The following TACC1 variants were observed in gnomAD, a reference collection of about 807,000 sequenced individuals.
TACC1 encodes transforming acidic coiled-coil-containing protein 1.
TACC1 carries 48 observed loss-of-function variants against 84.4 expected under a neutral mutation model. That is an observed-to-expected ratio of 0.57 (90% CI 0.45 to 0.72). The LOEUF (loss-of-function observed/expected upper bound fraction) is 0.72, where lower values mean the gene tolerates loss of function less well. TACC1 is among the 30% of genes least tolerant of loss of function. The pLI, the probability that TACC1 is intolerant of heterozygous loss-of-function variation, is 0.00. For synonymous variants in TACC1, 372 were observed against 376.3 expected, an observed-to-expected ratio of 0.99 and a Z score of 0.13; for missense variants, 920 against 973.0, an observed-to-expected ratio of 0.95 and a Z score of 0.72.
rs565509245 is a variant in TACC1, at chr8:38,765,627, C to G, written c.26+20134C>G. Among the ~76,000 whole-genome samples the G allele has an allele frequency of 1.1e-4, 17 of 152,206 alleles. 1 individual carries two copies. The highest frequency in any genetic ancestry group is 6.2e-4 in the South Asian group (3 of 4,826). On this transcript the variant is annotated intron_variant, in intron 3 of 14. Transcript: ENST00000518415. ...CAAATGTTAATTTTTTCTTTTCACT[C>G]TCTTTCATTCAACAAGTATTAATTG... is the stretch of plus-strand genomic sequence containing the variant.
rs570305062 is a variant in TACC1 at position 38,753,424 on chromosome 8, C to T, written c.26+7931C>T. On this transcript the variant is annotated intron_variant, in intron 3 of 14. Coordinates refer to the TACC1 transcript ENST00000518415. Reference sequence around the variant, plus strand: ...CAGCCTTTTGTTCTTAACTGAAATACAAAAAGCAAGAAAGAGTTTAAACCC... The same window carrying T: ...CAGCCTTTTGTTCTTAACTGAAATATAAAAAGCAAGAAAGAGTTTAAACCC... Among the ~76,000 whole-genome samples, 161 of 152,234 alleles carry T rather than the reference C, an allele frequency of 1.1e-3. 2 individuals are homozygous for T. Among genetic ancestry groups the T allele is most frequent in the African/African-American group, 3.6e-3 (151 of 41,546 alleles).
upstream of TACC1, chr8:38,785,735 G>A: frequency 1.0e-6 from 1 of 985,220 alleles, no homozygotes. Context: ...AAGTTTTACT[G>A]GGTAAGCATA....
intron 6 of TACC1, 95 bp downstream of exon 6, chr8:38,831,272 A>T: frequency 1.6e-6 from 2 of 1,222,226 alleles, no homozygotes; most frequent in Non-Finnish European, 2.4e-6. Flanking sequence ...GGTCAGTGTT[A>T]GGTGATGAGG....
chr8:38,829,127 G>C (rs1001417152), intron 5 of TACC1, among the ~76,000 whole-genome samples: 3 of 152,118 alleles, frequency 2.0e-5, no homozygotes, highest in African/African-American at 7.2e-5. Context: ...CCATGTTCCT[G>C]ACTACATTAA....
chr8:38,787,539 C>A lies in TACC1; in HGVS notation c.-44C>A. The A allele has an allele frequency of 6.7e-7, 1 of 1,493,792 alleles. No individual in the cohort carries two copies. The highest frequency in any genetic ancestry group is 8.9e-7 in the Non-Finnish European group (1 of 1,125,582). 92.5% of individuals were successfully genotyped at this position (1,493,792 alleles called of 1,614,324 possible). On this transcript the variant is annotated 5_prime_UTR_variant, in exon 1 of 13. Coordinates refer to ENST00000317827, the MANE Select transcript of TACC1 (RefSeq NM_006283.3). ...TGAAAGGGAAAAAGGCTCTCCCCAC[C>A]CATTCCCCTGCCCCTAGGAGCTGGA...
Position 38,819,981 on chromosome 8 carries a change from A to G in TACC1, c.737A>G (p.Glu246Gly). 1 of 1,614,084 alleles carries G rather than the reference A, an allele frequency of 6.2e-7. No individual in the cohort carries two copies. The highest frequency in any genetic ancestry group is 1.3e-5 in the African/African-American group (1 of 75,044). Residue 246 changes from glutamate (E) to glycine (G), a missense_variant, in exon 3 of 13, where the codon GAG becomes GGG. Physicochemically the swap from Glu to Gly is moderately conservative, Grantham distance 98. This residue lies in a region of TACC1 where 762 missense variants were observed against 747.3 expected (regional missense o/e 1.02). Transcript: ENST00000317827. ...VPLRKKAIGG[E>G]FSDTNAAVEG... ...CTGAGGAAGAAAGCAATTGGAGGAG[A>G]GTTCTCAGACACCAACGCTGCTGTG...
At chr8:38,762,631 A>G (rs929757464) in intron 3 of TACC1, among the ~76,000 whole-genome samples, 1 of 151,070 alleles carries the variant, frequency 6.6e-6, no homozygotes, top group South Asian at 2.1e-4. Context: ...ATCTTGGCTC[A>G]TTGCAACCTC....
Position 38,803,161 on chromosome 8 carries a change from A to C in TACC1, c.277+14342A>C, listed in dbSNP as rs187628398. Among the ~76,000 whole-genome samples, 614 of 152,308 alleles carry C rather than the reference A, an allele frequency of 4.0e-3. 4 individuals are homozygous for C. The highest frequency in any genetic ancestry group is 6.9e-3 in the Non-Finnish European group (470 of 68,004). On this transcript the variant is annotated intron_variant, in intron 2 of 12. Transcript: ENST00000317827. ...CTATAGCCTTGTTGGTTTCATTTAT[A>C]GTTTTTTGGTGGATTCCGTAGGACT...
intron 3 of TACC1, among the ~76,000 whole-genome samples, chr8:38,772,980 T>C (rs1563377439): frequency 6.6e-6 from 1 of 152,144 alleles, no homozygotes; most frequent in Non-Finnish European, 1.5e-5. Flanking sequence ...TATTGTTGTA[T>C]TAATACTTAA....
intron 2 of TACC1, among the ~76,000 whole-genome samples, chr8:38,815,490 G>A (rs1306017534): frequency 6.6e-6 from 1 of 152,102 alleles, no homozygotes; most frequent in African/African-American, 2.4e-5. Context: ...TGCGATCTCG[G>A]CTCACTGCAA....
At chr8:38,782,252 T>C (rs1265174176), upstream of TACC1, among the ~76,000 whole-genome samples, 1 of 151,926 alleles carries the variant, frequency 6.6e-6, no homozygotes, top group Non-Finnish European at 1.5e-5. Flanking sequence ...TTCCCACCTA[T>C]GAGTGAGAAT....
chr8:38,827,251 G>A lies in TACC1; in HGVS notation c.1536G>A (p.Thr512=), dbSNP rs375522736. Residue 512 remains threonine (T), a synonymous_variant, in exon 5 of 13, where the codon ACG becomes ACA. Coordinates refer to ENST00000317827, the MANE Select transcript of TACC1 (RefSeq NM_006283.3). ...HATDEEKLAS[T]SCGQKSAGAE... is the part of the protein sequence containing the mutation. ...CTGATGAGGAGAAACTGGCATCCAC[G>A]TCATGTGGTCAGAAATCAGCTGGTG... 114 of 1,614,072 alleles carry A rather than the reference G, an allele frequency of 7.1e-5. No individual in the cohort carries two copies. Among genetic ancestry groups the A allele is most frequent in the Non-Finnish European group, 8.8e-5 (104 of 1,180,042 alleles).
At chr8:38,846,842 G>C in intron 12 of TACC1, 23 bp downstream of exon 12, 1 of 1,612,508 alleles carries the variant, frequency 6.2e-7, no homozygotes, top group South Asian at 1.1e-5. Context: ...ACCTGATCTG[G>C]GTGGCCACAG....
Position 38,831,117 on chromosome 8 carries a change from T to C in TACC1, c.1661-8T>C. ...TGGGATAACTATAAAAATGACTTTC[T>C]GTCTTAGGCATAGAGAAGGAGACGT... is the stretch of plus-strand genomic sequence containing the variant. On this transcript the variant is annotated splice_region_variant and splice_polypyrimidine_tract_variant and intron_variant, in intron 5 of 12. Coordinates refer to ENST00000317827, the MANE Select transcript of TACC1 (RefSeq NM_006283.3). The C allele has an allele frequency of 6.2e-7, 1 of 1,614,134 alleles. No homozygotes were observed.
intron 2 of TACC1, among the ~76,000 whole-genome samples, chr8:38,796,377 G>C (rs1819984338): frequency 6.6e-6 from 1 of 152,222 alleles, no homozygotes; most frequent in Non-Finnish European, 1.5e-5. Flanking sequence ...AGACATATCA[G>C]AGGAAATAAA....
intron 1 of TACC1, among the ~76,000 whole-genome samples, chr8:38,735,506 T>G (rs1312018523): frequency 1.3e-5 from 2 of 151,518 alleles, no homozygotes; most frequent in Admixed American, 6.6e-5. Flanking sequence ...GGGAGGGGAG[T>G]GTGTCATGGA....
chr8:38,728,901 G>A (rs888871307), intron 1 of TACC1, among the ~76,000 whole-genome samples: 2 of 152,164 alleles, frequency 1.3e-5, no homozygotes, highest in Admixed American at 6.5e-5. Flanking sequence ...TGTTTGGTGT[G>A]GGAGGTATTA....
In TACC1 at chr8:38,848,067, C is replaced by A; in HGVS notation, c.*44C>A. On this transcript the variant is annotated 3_prime_UTR_variant, in exon 13 of 13. Transcript: ENST00000317827. ...TCAACAGATCTGCATTTGGCTGCTT[C>A]TCTTGTGACCACAATTATCTTGCCT... The A allele has an allele frequency of 1.3e-6, 2 of 1,545,386 alleles. No homozygotes were observed. The highest frequency in any genetic ancestry group is 1.8e-6 in the Non-Finnish European group (2 of 1,124,362).
intron 2 of TACC1, among the ~76,000 whole-genome samples, chr8:38,819,140 C>G (rs1411399847): frequency 6.6e-6 from 1 of 152,244 alleles, no homozygotes; most frequent in Non-Finnish European, 1.5e-5. Flanking sequence ...CAGCACCAAT[C>G]TGCCTCCCTG....
Sources: gnomAD v4.1 joint callset for allele counts (sites outside exome capture counted in the v4.1 genomes callset) on GRCh38, gnomAD v4.1.1 for gene constraint, gnomAD v4.1.1 regional missense constraint, MANE v1.5 for transcripts, NCBI Gene and HGNC (gene_info 2026-07-23, HGNC 2026-07-21) for gene names.